FAXC: variants seen among roughly 807,000 people sequenced by gnomAD.
The protein encoded by FAXC is failed axon connections homolog, metaxin like GST domain containing.
A neutral mutation model predicts 41.9 loss-of-function variants in FAXC; 10 were observed. That is an observed-to-expected ratio of 0.24 (90% CI 0.15 to 0.41). The LOEUF (loss-of-function observed/expected upper bound fraction) is 0.41, where lower values mean the gene tolerates loss of function less well. FAXC is among the 10% of genes least tolerant of loss of function. The pLI, the probability that FAXC is intolerant of heterozygous loss-of-function variation, is 1.00. For missense variants in FAXC, 399 were observed against 510.9 expected (o/e 0.78, Z 2.11); for synonymous variants, 183 against 183.8 (o/e 1.00, Z 0.03).
chr6:99,293,700 GTGTGTGTGTGTGTC>G (rs775803769), intron 4 of FAXC, among the ~76,000 whole-genome samples: 14,311 of 133,338 alleles, frequency 0.11, 650 homozygotes, highest in Middle Eastern at 0.18. Flanking sequence ...GTGTGTGTGT[GTGTGTGTGTGTGTC>G]TGTGTGTGTG....
rs1160916071 is a variant in FAXC, at chr6:99,273,466, C to T, written c.*7698G>A. 1 of 150,398 alleles carries T rather than the reference C, an allele frequency of 6.6e-6. No homozygotes were observed. The highest frequency in any genetic ancestry group is 1.5e-5 in the Non-Finnish European group (1 of 67,802). 9.3% of individuals were successfully genotyped at this position (150,398 alleles called of 1,614,324 possible). ...GCATTATCTGGGTATCACCTCACCC[C>T]TACTTTCTTTTCTTGTTTTGCTTAC... On this transcript the variant is annotated 3_prime_UTR_variant, in exon 6 of 6. Transcript: ENST00000389677.
rs1773723162 is a variant in FAXC at position 99,349,510 on chromosome 6, C to CA, written c.-139_-138insT. 2 of 533,536 alleles carry CA rather than the reference C, an allele frequency of 3.7e-6. No individual in the cohort carries two copies. Among genetic ancestry groups the CA allele is most frequent in the Admixed American group, 1.3e-4 (2 of 15,306 alleles). The allele number at this position is 533,536 out of a possible 1,614,324, so 33.1% of individuals were successfully genotyped here. ...GCGGCGGCGACTGAGGAGGCGGCGG[C>CA]GACTGAGGAGGCGGCGGCAGAGGAG... On this transcript the variant is annotated 5_prime_UTR_variant, in exon 1 of 6. Coordinates refer to ENST00000389677, the MANE Select transcript of FAXC (RefSeq NM_032511.4).
At chr6:99,323,778 A>G in intron 3 of FAXC, 111 bp from the exon 4 acceptor site, 1 of 774,744 alleles carries the variant, frequency 1.3e-6, no homozygotes, top group Non-Finnish European at 2.1e-6. Flanking sequence ...GGAACTGAAT[A>G]ACTGCAGCTT....
Position 99,281,046 on chromosome 6 carries a change from T to C in FAXC, c.*118A>G. On this transcript the variant is annotated 3_prime_UTR_variant, in exon 6 of 6. Coordinates refer to ENST00000389677, the MANE Select transcript of FAXC (RefSeq NM_032511.4). ...TAAGGCTGCTATAGTCCAGTTAGCATGTGAAAACTCTGCCAAGCACGAAGA... is the reference window on the plus strand; with the variant it reads ...TAAGGCTGCTATAGTCCAGTTAGCACGTGAAAACTCTGCCAAGCACGAAGA... 2.9e-6 allele frequency: 2 copies of C among 689,114 alleles called. No individual in the cohort carries two copies. Among genetic ancestry groups the C allele is most frequent in the Non-Finnish European group, 5.3e-6 (2 of 376,228 alleles). 42.7% of individuals were successfully genotyped at this position (689,114 alleles called of 1,614,324 possible).
chr6:99,319,126 G>A (rs1281498546), intron 4 of FAXC, among the ~76,000 whole-genome samples: 3 of 152,090 alleles, frequency 2.0e-5, no homozygotes, highest in East Asian at 1.9e-4. Flanking sequence ...GGCCGGGCGC[G>A]GTGGCTCACG....
chr6:99,309,760 G>T, intron 4 of FAXC: 1 of 230,482 alleles, frequency 4.3e-6, no homozygotes, highest in Non-Finnish European at 7.2e-6. Context: ...GTAAAGACCC[G>T]TCAGAGTAAA....
intron 4 of FAXC, among the ~76,000 whole-genome samples, chr6:99,294,902 T>C (rs1020037194): frequency 4.6e-5 from 7 of 152,082 alleles, no homozygotes; most frequent in Admixed American, 4.6e-4. Context: ...GGCTTCGAAA[T>C]GTTAAAACTG....
chr6:99,277,807 A>C lies in FAXC; in HGVS notation c.*3357T>G, dbSNP rs1195504164. On this transcript the variant is annotated 3_prime_UTR_variant, in exon 6 of 6. Transcript: ENST00000389677. Reference sequence around the variant, plus strand: ...GAAACCATCAAGGGCAACGTGGTGTAATGGAAAGAACCATATTGACCTCAG... The same window carrying C: ...GAAACCATCAAGGGCAACGTGGTGTCATGGAAAGAACCATATTGACCTCAG... The C allele has an allele frequency of 6.6e-6, 1 of 152,216 alleles. No individual in the cohort carries two copies. The allele number at this position is 152,216 out of a possible 1,614,324, so 9.4% of individuals were successfully genotyped here.
intron 4 of FAXC, among the ~76,000 whole-genome samples, chr6:99,310,634 T>C (rs943231234): frequency 6.6e-6 from 1 of 152,258 alleles, no homozygotes; most frequent in Admixed American, 6.5e-5. Context: ...TCAATGTCTA[T>C]GGTTTTTTTC....
Position 99,273,990 on chromosome 6 carries a change from T to C in FAXC, c.*7174A>G, listed in dbSNP as rs1770510644. 1 of 152,168 alleles carries C rather than the reference T, an allele frequency of 6.6e-6. No individual in the cohort carries two copies. The highest frequency in any genetic ancestry group is 2.4e-5 in the African/African-American group (1 of 41,434). 9.4% of individuals were successfully genotyped at this position (152,168 alleles called of 1,614,324 possible). On this transcript the variant is annotated 3_prime_UTR_variant, in exon 6 of 6. Coordinates refer to ENST00000389677, the MANE Select transcript of FAXC (RefSeq NM_032511.4). ...TTGGAGACCACTGCCTAAATAGGGA[T>C]GGACGATCTGGGCTGTCTGCAAACA...
chr6:99,296,814 T>C lies in FAXC; in HGVS notation c.824-4994A>G, dbSNP rs548958406. On this transcript the variant is annotated intron_variant, in intron 4 of 5. Coordinates refer to ENST00000389677, the MANE Select transcript of FAXC (RefSeq NM_032511.4). ...AGTGGATCTGGAGAAGGAGAGCCCA[T>C]AGGGGGAGTAGCAGGGGCTGGTTCT... is the stretch of plus-strand genomic sequence containing the variant. 5.9e-5 allele frequency among the ~76,000 whole-genome samples: 9 copies of C among 152,120 alleles called. 1 individual carries two copies. The South Asian group carries it at 1.5e-3, about 25-fold the overall frequency.
intron 2 of FAXC, among the ~76,000 whole-genome samples, chr6:99,342,674 T>C (rs1442752467): frequency 1.3e-5 from 2 of 152,202 alleles, no homozygotes; most frequent in Non-Finnish European, 2.9e-5. Context: ...AAAAATATCA[T>C]GGCGCTGAAT....
chr6:99,310,167 G>A (rs1430963004), intron 4 of FAXC, among the ~76,000 whole-genome samples: 1 of 152,188 alleles, frequency 6.6e-6, no homozygotes, highest in Non-Finnish European at 1.5e-5. Flanking sequence ...ATGGAAAGAA[G>A]GGCTGGGTTG....
intron 4 of FAXC, among the ~76,000 whole-genome samples, chr6:99,294,636 G>A (rs1163388463): frequency 6.6e-6 from 1 of 152,054 alleles, no homozygotes; most frequent in East Asian, 1.9e-4. Context: ...AGGGGGAGGG[G>A]GAGAAAGAAA....
intron 4 of FAXC, among the ~76,000 whole-genome samples, chr6:99,305,831 T>C (rs1318106114): frequency 6.6e-6 from 1 of 152,164 alleles, no homozygotes; most frequent in East Asian, 1.9e-4. Flanking sequence ...TGTCAGTTCT[T>C]ATCAATATTA....
chr6:99,294,346 C>T (rs1422073934), intron 4 of FAXC, among the ~76,000 whole-genome samples: 2 of 152,198 alleles, frequency 1.3e-5, no homozygotes, highest in East Asian at 1.9e-4. Flanking sequence ...ATTAAGTGAA[C>T]GCAGGCAGGC....
At chr6:99,336,584 G>A (rs1773225117) in intron 2 of FAXC, among the ~76,000 whole-genome samples, 1 of 152,140 alleles carries the variant, frequency 6.6e-6, no homozygotes, top group Non-Finnish European at 1.5e-5. Context: ...GTCTGCCCCA[G>A]GTGAGACTGA....
intron 1 of FAXC, among the ~76,000 whole-genome samples, chr6:99,348,048 C>T (rs150506886): frequency 6.6e-6 from 1 of 152,334 alleles, no homozygotes; most frequent in African/African-American, 2.4e-5. Flanking sequence ...CAAATGCCTA[C>T]ATTAGGCCAT....
rs547915623 is a variant in FAXC at position 99,309,996 on chromosome 6, T to C, written c.823+13448A>G. Reference sequence around the variant, plus strand: ...CATTTGCTGAGTGGCCTTAGACCCATTCCCTAGCCCTTCTGAACCCCATCT... The same window carrying C: ...CATTTGCTGAGTGGCCTTAGACCCACTCCCTAGCCCTTCTGAACCCCATCT... On this transcript the variant is annotated intron_variant, in intron 4 of 5. Transcript: ENST00000389677. 7.5e-6 allele frequency: 5 copies of C among 665,166 alleles called. No homozygotes were observed. The South Asian group carries it at 2.7e-4, about 35-fold the overall frequency. The allele number at this position is 665,166 out of a possible 1,614,324, so 41.2% of individuals were successfully genotyped here.
Sources: allele counts gnomAD v4.1 joint callset (sites outside exome capture counted in the v4.1 genomes callset), GRCh38; gene constraint gnomAD v4.1.1; transcripts MANE v1.5; gene names NCBI Gene and HGNC (gene_info 2026-07-23, HGNC 2026-07-21).